The following IGSF23 variants were observed in gnomAD, a reference collection of about 807,000 sequenced individuals.
The protein encoded by IGSF23 is immunoglobulin superfamily member 23, also known as immunoglobulin superfamily, member 23.
In IGSF23, 14 loss-of-function variants were observed where a neutral mutation model predicts 17.8. The ratio of observed to expected loss-of-function variants is 0.79; its 90% confidence interval spans 0.52 to 1.23. The LOEUF is 1.23. Among genes scored for constraint, IGSF23 ranks in the 50% most tolerant of loss-of-function variants. The probability of loss-of-function intolerance (pLI) is 0.00; values close to 1 mark genes in which losing one functional copy is unlikely to be tolerated. For synonymous variants in IGSF23, 85 were observed against 92.5 expected, an observed-to-expected ratio of 0.92 and a Z score of 0.46; for missense variants, 214 against 241.7, an observed-to-expected ratio of 0.89 and a Z score of 0.76.
rs758978544 is a variant in IGSF23 at position 44,635,446 on chromosome 19, C to T, written c.*12C>T. ...GAATATGCAGCTGAAATGTGGGCAACTCTCCTGTCAGCTGAAGAGGTAATA... is the reference window on the plus strand; with the variant it reads ...GAATATGCAGCTGAAATGTGGGCAATTCTCCTGTCAGCTGAAGAGGTAATA... On this transcript the variant is annotated 3_prime_UTR_variant, in exon 4 of 5. Coordinates refer to ENST00000402988, the MANE Select transcript of IGSF23 (RefSeq NM_001205280.2). 7.1e-6 allele frequency: 11 copies of T among 1,549,042 alleles called. No individual in the cohort carries two copies. The highest frequency in any genetic ancestry group is 1.7e-4 in the Middle Eastern group (1 of 6,010).
rs1040045648 is a variant in IGSF23, at chr19:44,619,109, G to C, written c.126-4598G>C. Among the ~76,000 whole-genome samples, 6 of 152,162 alleles carry C rather than the reference G, an allele frequency of 3.9e-5. No individual in the cohort carries two copies. The East Asian group carries it at 1.2e-3, about 29-fold the overall frequency. ...TTTTAATCATAGCGAAGGCAAAGGA[G>C]GAGCAGGTGTCTCCCGTGAGAACAG... On this transcript the variant is annotated intron_variant, in intron 1 of 4. Transcript: ENST00000402988.
intron 1 of IGSF23, among the ~76,000 whole-genome samples, chr19:44,616,138 G>A (rs1373294416): frequency 1.3e-5 from 2 of 152,114 alleles, no homozygotes; most frequent in East Asian, 1.9e-4. Flanking sequence ...GCGTAGGGGT[G>A]GAGGTCAAAG....
intron 2 of IGSF23, 79 bp from the exon 3 acceptor site, chr19:44,627,341 G>A: frequency 7.4e-7 from 1 of 1,358,148 alleles, no homozygotes; most frequent in South Asian, 1.5e-5. Flanking sequence ...ACACTTGGGA[G>A]GGGGAATGGC....
At chr19:44,630,942 C>A (rs999585804) in intron 3 of IGSF23, among the ~76,000 whole-genome samples, 1 of 152,118 alleles carries the variant, frequency 6.6e-6, no homozygotes, top group Non-Finnish European at 1.5e-5. Flanking sequence ...GCCCTTTAAC[C>A]CCTCAGTGGC....
chr19:44,616,590 G>C, intron 1 of IGSF23, among the ~76,000 whole-genome samples: 1 of 151,556 alleles, frequency 6.6e-6, no homozygotes, highest in South Asian at 2.1e-4. Flanking sequence ...CCAACTACTC[G>C]GGAGGCTGAG....
chr19:44,624,289 T>C (rs1972591053), intron 2 of IGSF23, among the ~76,000 whole-genome samples: 1 of 150,438 alleles, frequency 6.6e-6, no homozygotes, highest in Non-Finnish European at 1.5e-5. Context: ...TTCTTCTTCT[T>C]CTTTTTTTTT....
chr19:44,628,088 G>A (rs1166795700), intron 3 of IGSF23, among the ~76,000 whole-genome samples: 1 of 151,942 alleles, frequency 6.6e-6, no homozygotes, highest in African/African-American at 2.4e-5. Flanking sequence ...GGGATTACAG[G>A]TGCATACCAC....
At chr19:44,617,654 A>T (rs996096351) in intron 1 of IGSF23, among the ~76,000 whole-genome samples, 6 of 152,258 alleles carry the variant, frequency 3.9e-5, no homozygotes, top group African/African-American at 1.4e-4. Context: ...ATTGATTTAT[A>T]ACCCTTTATT....
chr19:44,635,539 TG>T lies in IGSF23; in HGVS notation c.*31+75del, dbSNP rs148276286. 2.1e-3 allele frequency: 2,126 copies of T among 1,010,950 alleles called. 60 individuals are homozygous for T. In the East Asian group the frequency reaches 0.052, roughly 25 times the overall value. The allele number at this position is 1,010,950 out of a possible 1,614,324, so 62.6% of individuals were successfully genotyped here. On this transcript the variant is annotated intron_variant, in intron 4 of 4. Transcript: ENST00000402988. Reference sequence around the variant, plus strand: ...GAAGTTCTTGGGCAGAGACTCCATATGTGATTTCCTCCCTCCTGGTTCCCTG... The same window carrying T: ...GAAGTTCTTGGGCAGAGACTCCATATTGATTTCCTCCCTCCTGGTTCCCTG...
chr19:44,614,035 G>GACACTCTCCTCCTT, intron 1 of IGSF23: 1 of 1,431,892 alleles, frequency 7.0e-7, no homozygotes, highest in Non-Finnish European at 9.4e-7. Context: ...GGGACAAGGA[G>GACACTCTCCTCCTT]GAGAGTGTCT....
chr19:44,613,893 G>T (rs1321256252), intron 1 of IGSF23, 123 bp downstream of exon 1: 1 of 1,548,840 alleles, frequency 6.5e-7, no homozygotes, highest in East Asian at 2.4e-5. Context: ...GTGATGAGGA[G>T]ACCTTCTCTG....
intron 3 of IGSF23, chr19:44,632,319 A>G (rs891984013): frequency 1.2e-4 from 22 of 181,730 alleles, no homozygotes; most frequent in Non-Finnish European, 2.3e-5. Flanking sequence ...CCCTTCTTTA[A>G]GGAATACTCA....
Position 44,613,937 on chromosome 19 carries a change from C to T in IGSF23, c.125+167C>T, listed in dbSNP as rs1455184029. The T allele has an allele frequency of 1.9e-6, 3 of 1,546,232 alleles. No homozygotes were observed. In the African/African-American group the frequency reaches 4.1e-5, roughly 21 times the overall value. ...CTGGACAGAACACGAGATGAGGGGT[C>T]CTCTGGACGTCAGCTCCAGCCACAC... On this transcript the variant is annotated intron_variant, in intron 1 of 4. Transcript: ENST00000402988.
chr19:44,629,203 T>A (rs1291777309), intron 3 of IGSF23, among the ~76,000 whole-genome samples: 1 of 152,164 alleles, frequency 6.6e-6, no homozygotes. Context: ...AAGGGAAGGA[T>A]GGCATCTGAC....
intron 1 of IGSF23, among the ~76,000 whole-genome samples, chr19:44,623,099 T>C (rs945052112): frequency 1.3e-5 from 2 of 152,134 alleles, no homozygotes; most frequent in African/African-American, 2.4e-5. Context: ...GTTTAATCAC[T>C]GCTGAGCCCC....
At chr19:44,620,133 G>A (rs558015175) in intron 1 of IGSF23, among the ~76,000 whole-genome samples, 6 of 152,174 alleles carry the variant, frequency 3.9e-5, no homozygotes, top group African/African-American at 9.6e-5. Context: ...GCCGGGCATA[G>A]TGGCAGGCGC....
At chr19:44,616,824 G>T (rs1972390065) in intron 1 of IGSF23, among the ~76,000 whole-genome samples, 1 of 149,406 alleles carries the variant, frequency 6.7e-6, no homozygotes, top group African/African-American at 2.5e-5. Context: ...TATAAAAATG[G>T]AAATAAATAA....
chr19:44,631,576 A>T (rs1972767851), intron 3 of IGSF23, among the ~76,000 whole-genome samples: 1 of 152,214 alleles, frequency 6.6e-6, no homozygotes, highest in South Asian at 2.1e-4. Context: ...GAAATATAGA[A>T]GTGTGAAGTG....
intron 1 of IGSF23, among the ~76,000 whole-genome samples, chr19:44,617,890 C>G (rs1451303466): frequency 1.3e-5 from 2 of 152,200 alleles, no homozygotes; most frequent in Non-Finnish European, 2.9e-5. Flanking sequence ...TGACAGAAAC[C>G]AACCAGCAGC....
Sources: gnomAD v4.1 joint callset for allele counts (sites outside exome capture counted in the v4.1 genomes callset) on GRCh38, gnomAD v4.1.1 for gene constraint, MANE v1.5 for transcripts, NCBI Gene and HGNC (gene_info 2026-07-23, HGNC 2026-07-21) for gene names.